PID1: variants seen among roughly 807,000 people sequenced by gnomAD.
PID1 encodes the protein phosphotyrosine interaction domain containing 1.
Under a neutral mutation model 19.1 loss-of-function variants are expected in PID1, and 10 were observed. The observed-to-expected ratio is 0.52, with a 90% CI of 0.32 to 0.89. The LOEUF is 0.89. PID1 is among the 40% of genes least tolerant of loss of function. The pLI, the probability that PID1 is intolerant of heterozygous loss-of-function variation, is 0.03. For missense variants in PID1, 248 were observed against 285.3 expected (o/e 0.87, Z 0.94); for synonymous variants, 130 against 116.0 (o/e 1.12, Z -0.78).
At chr2:229,092,802 C>T (rs904890428) in intron 2 of PID1, among the ~76,000 whole-genome samples, 6 of 152,150 alleles carry the variant, frequency 3.9e-5, no homozygotes, top group African/African-American at 1.4e-4. Flanking sequence ...CCCATGACAC[C>T]ATTTCATTTT....
intron 2 of PID1, among the ~76,000 whole-genome samples, chr2:229,145,320 CCATAAG>C (rs1690108769): frequency 6.6e-6 from 1 of 151,452 alleles, no homozygotes; most frequent in African/African-American, 2.4e-5. Context: ...CCACTGGAAA[CCATAAG>C]GCACATTATT....
At chr2:229,102,172 T>G (rs768060867) in intron 2 of PID1, among the ~76,000 whole-genome samples, 25 of 152,094 alleles carry the variant, frequency 1.6e-4, no homozygotes, top group Non-Finnish European at 3.2e-4. Context: ...CACCTGGACT[T>G]CAGTTCACAG....
chr2:229,152,658 G>GAAAA (rs568499393), intron 2 of PID1, among the ~76,000 whole-genome samples: 1 of 128,674 alleles, frequency 7.8e-6, no homozygotes, highest in Non-Finnish European at 1.7e-5. Flanking sequence ...CTCTACTCCA[G>GAAAA]AAAAAAAAAA....
intron 1 of PID1, among the ~76,000 whole-genome samples, chr2:229,196,641 T>C (rs1049577778): frequency 6.6e-6 from 1 of 152,076 alleles, no homozygotes; most frequent in Non-Finnish European, 1.5e-5. Context: ...ATATCGCTTA[T>C]GAAACTGCCT....
intron 2 of PID1, among the ~76,000 whole-genome samples, chr2:229,074,684 G>A (rs1264658189): frequency 6.6e-6 from 1 of 152,142 alleles, no homozygotes; most frequent in Admixed American, 6.5e-5. Flanking sequence ...GAGTTAATTA[G>A]CCTGGTCTAA....
intron 1 of PID1, among the ~76,000 whole-genome samples, chr2:229,198,761 T>C (rs757402350): frequency 6.6e-6 from 1 of 152,048 alleles, no homozygotes; most frequent in Non-Finnish European, 1.5e-5. Flanking sequence ...ATATTGCAAA[T>C]GCAACCACTG....
intron 2 of PID1, among the ~76,000 whole-genome samples, chr2:229,109,196 T>A (rs1054181829): frequency 1.3e-5 from 2 of 152,198 alleles, no homozygotes; most frequent in Non-Finnish European, 2.9e-5. Flanking sequence ...GGTAATTTGG[T>A]AGCCGAATCA....
At chr2:229,233,767 C>A (rs1692266367) in intron 1 of PID1, among the ~76,000 whole-genome samples, 4 of 152,196 alleles carry the variant, frequency 2.6e-5, no homozygotes, top group Non-Finnish European at 5.9e-5. Flanking sequence ...TCTGGGATTA[C>A]AGGTGTGAGC....
chr2:229,038,683 C>A (rs1693710140), intron 2 of PID1, among the ~76,000 whole-genome samples: 1 of 152,022 alleles, frequency 6.6e-6, no homozygotes, highest in Non-Finnish European at 1.5e-5. Flanking sequence ...TTGAAAATTT[C>A]AATTGCTTAT....
At chr2:229,228,043 A>T (rs1302218695) in intron 1 of PID1, 1 of 455,942 alleles carries the variant, frequency 2.2e-6, no homozygotes, top group South Asian at 1.5e-5. Context: ...GTGTATTGTG[A>T]CTGGAGTTGC....
intron 1 of PID1, among the ~76,000 whole-genome samples, chr2:229,186,051 A>G (rs897188867): frequency 1.3e-5 from 2 of 152,170 alleles, no homozygotes; most frequent in African/African-American, 2.4e-5. Context: ...AATGGGAGAC[A>G]TTGGCCAAAA....
chr2:229,131,990 T>C (rs1291687249), intron 2 of PID1, among the ~76,000 whole-genome samples: 2 of 152,114 alleles, frequency 1.3e-5, no homozygotes, highest in Non-Finnish European at 2.9e-5. Context: ...AAAAGAGCAA[T>C]GTAGACAGTA....
intron 1 of PID1, among the ~76,000 whole-genome samples, chr2:229,225,838 A>G (rs1692066779): frequency 6.6e-6 from 1 of 152,122 alleles, no homozygotes; most frequent in African/African-American, 2.4e-5. Flanking sequence ...ATCTCGTGAG[A>G]ACTAACTCAC....
At chr2:229,077,138 T>C (rs922883992) in intron 2 of PID1, among the ~76,000 whole-genome samples, 24 of 152,244 alleles carry the variant, frequency 1.6e-4, no homozygotes, top group African/African-American at 5.8e-4. Flanking sequence ...ATGTCTCTAA[T>C]GACCAGTGAT....
chr2:229,205,618 A>T, intron 1 of PID1, among the ~76,000 whole-genome samples: 1 of 152,246 alleles, frequency 6.6e-6, no homozygotes, highest in South Asian at 2.1e-4. Context: ...TCTCCATATT[A>T]TGTCAACAAA....
intron 2 of PID1, among the ~76,000 whole-genome samples, chr2:229,148,385 G>C (rs773419711): frequency 3.7e-4 from 56 of 152,152 alleles, no homozygotes; most frequent in Non-Finnish European, 7.2e-4. Flanking sequence ...ATAGATGGAG[G>C]CTTCAGCTAC....
chr2:229,112,054 T>G (rs1342281178), intron 2 of PID1, among the ~76,000 whole-genome samples: 2 of 152,226 alleles, frequency 1.3e-5, no homozygotes, highest in Admixed American at 1.3e-4. Flanking sequence ...AATTAGCACA[T>G]CGCTCCAATT....
chr2:229,150,271 A>C (rs970503797), intron 2 of PID1, among the ~76,000 whole-genome samples: 3 of 151,384 alleles, frequency 2.0e-5, no homozygotes, highest in South Asian at 4.2e-4. Flanking sequence ...AGAAAGAAGT[A>C]AAGAAAAGAA....
intron 1 of PID1, among the ~76,000 whole-genome samples, chr2:229,266,121 T>G (rs1330883856): frequency 6.6e-6 from 1 of 152,226 alleles, no homozygotes; most frequent in East Asian, 1.9e-4. Context: ...TAGGGCCCGA[T>G]GTTTTGTGCT....
Sources: gnomAD v4.1 joint callset for allele counts (sites outside exome capture counted in the v4.1 genomes callset) on GRCh38, gnomAD v4.1.1 for gene constraint, MANE v1.5 for transcripts, NCBI Gene and HGNC (gene_info 2026-07-23, HGNC 2026-07-21) for gene names.